WRN: variants seen among roughly 807,000 people sequenced by gnomAD.
The protein encoded by WRN is WRN RecQ like helicase.
WRN carries 149 observed loss-of-function variants against 180.7 expected under a neutral mutation model. The observed-to-expected ratio is 0.82, with a 90% confidence interval of 0.72 to 0.94. The LOEUF (loss-of-function observed/expected upper bound fraction) is 0.94. WRN is among the 40% of genes least tolerant of loss of function. WRN has a pLI of 0.00. For missense variants in WRN, 1,661 were observed against 1,700.1 expected, an observed-to-expected ratio of 0.98 and a Z score of 0.40; for synonymous variants, 548 against 568.9, an observed-to-expected ratio of 0.96 and a Z score of 0.52.
chr8:31,149,351 C>T (rs1276325921), intron 30 of WRN, among the ~76,000 whole-genome samples: 6 of 148,916 alleles, frequency 4.0e-5, no homozygotes, highest in African/African-American at 1.5e-4. Context: ...GAGCGGAGAT[C>T]GCGCCACTGC....
intron 7 of WRN, among the ~76,000 whole-genome samples, chr8:31,068,920 G>T (rs917575660): frequency 6.6e-6 from 1 of 152,220 alleles, no homozygotes; most frequent in East Asian, 1.9e-4. Flanking sequence ...GAGCCACGTA[G>T]TAGAGTGGGT....
intron 22 of WRN, 70 bp from the exon 23 acceptor site, chr8:31,124,838 T>C: frequency 1.4e-6 from 2 of 1,463,708 alleles, no homozygotes; most frequent in Non-Finnish European, 1.9e-6. Context: ...TTTACCTCAT[T>C]ATTTTCAGGA....
intron 27 of WRN, among the ~76,000 whole-genome samples, chr8:31,143,057 T>A (rs865784638): frequency 7.5e-4 from 8 of 10,702 alleles, no homozygotes; most frequent in African/African-American, 1.4e-3. Context: ...ACACACACAT[T>A]CTCTCTCTCT....
chr8:31,050,531 A>G (rs992673715), intron 1 of WRN, among the ~76,000 whole-genome samples: 2 of 145,542 alleles, frequency 1.4e-5, no homozygotes, highest in African/African-American at 5.1e-5. Flanking sequence ...TTTTTTTGAC[A>G]CAAAGCTGCA....
chr8:31,084,839 A>G (rs887355417), intron 10 of WRN, among the ~76,000 whole-genome samples: 1 of 152,208 alleles, frequency 6.6e-6, no homozygotes, highest in Non-Finnish European at 1.5e-5. Context: ...CTTATACTCA[A>G]AAAGTTTGGG....
At chr8:31,159,402 AACT>A (rs1314414953) in intron 33 of WRN, among the ~76,000 whole-genome samples, 1 of 151,960 alleles carries the variant, frequency 6.6e-6, no homozygotes, top group Non-Finnish European at 1.5e-5. Context: ...GTGGTTGAAA[AACT>A]ACGTGTTGGG....
intron 7 of WRN, 38 bp downstream of exon 7, chr8:31,068,365 T>TTG (rs1812788970): frequency 2.0e-6 from 3 of 1,514,198 alleles, no homozygotes; most frequent in Admixed American, 1.7e-5. Flanking sequence ...GAATTCACTC[T>TTG]TTTGTGAGGT....
rs563904832 is a variant in WRN at position 31,063,951 on chromosome 8, G to A, written c.210-338G>A. 3.9e-5 allele frequency among the ~76,000 whole-genome samples: 6 copies of A among 151,930 alleles called. No individual in the cohort carries two copies. In the South Asian group the frequency reaches 1.0e-3, roughly 26 times the overall value. ...TGCACAGGTTGGTCTTAAACTCCTA[G>A]TCTCAAGCAGTCCTCCTGCCTTGAC... is the stretch of plus-strand genomic sequence containing the variant. On this transcript the variant is annotated intron_variant, in intron 3 of 34. Transcript: ENST00000298139.
At chr8:31,095,291 A>G (rs184524250) in intron 16 of WRN, among the ~76,000 whole-genome samples, 1 of 152,262 alleles carries the variant, frequency 6.6e-6, no homozygotes, top group East Asian at 1.9e-4. Context: ...GAGTTTTGAT[A>G]GTCATTTCTA....
chr8:31,132,559 A>C, intron 24 of WRN, 53 bp downstream of exon 24: 1 of 1,611,488 alleles, frequency 6.2e-7, no homozygotes, highest in Non-Finnish European at 8.5e-7. Context: ...CTTCTATTAC[A>C]CTTTTCTTCA....
At chr8:31,119,410 T>G (rs1801635816) in intron 20 of WRN, among the ~76,000 whole-genome samples, 1 of 151,918 alleles carries the variant, frequency 6.6e-6, no homozygotes, top group Admixed American at 6.6e-5. Context: ...CTTAATTTTT[T>G]GTTTATTTGT....
intron 18 of WRN, among the ~76,000 whole-genome samples, chr8:31,110,582 CAT>C (rs1201717947): frequency 1.3e-5 from 2 of 151,986 alleles, no homozygotes; most frequent in Non-Finnish European, 2.9e-5. Context: ...AATTTTGAGT[CAT>C]ATTCTAGAAG....
At chr8:31,085,512 C>T (rs546617774) in intron 11 of WRN, among the ~76,000 whole-genome samples, 1 of 151,738 alleles carries the variant, frequency 6.6e-6, no homozygotes, top group African/African-American at 2.4e-5. Flanking sequence ...CTCTGTCACC[C>T]AGGCTGGGGT....
chr8:31,143,642 C>G lies in WRN; in HGVS notation c.3383+19C>G. 1.3e-6 allele frequency: 2 copies of G among 1,527,140 alleles called. No individual in the cohort carries two copies. The highest frequency in any genetic ancestry group is 2.3e-5 in the East Asian group (1 of 44,180). 94.6% of individuals were successfully genotyped at this position (1,527,140 alleles called of 1,614,324 possible). A position where few individuals can be genotyped will look rare whatever the true frequency, so the allele number is the denominator to read the frequency against. Reference sequence around the variant, plus strand: ...AAAAAAGGTACAGAGTTCCATATTTCTATGTTCTATACTTGCTTTATGAGT... The same window carrying G: ...AAAAAAGGTACAGAGTTCCATATTTGTATGTTCTATACTTGCTTTATGAGT... On this transcript the variant is annotated intron_variant, in intron 28 of 34. Transcript: ENST00000298139.
At chr8:31,099,925 T>C (rs1482183292) in intron 17 of WRN, among the ~76,000 whole-genome samples, 1 of 152,154 alleles carries the variant, frequency 6.6e-6, no homozygotes, top group Non-Finnish European at 1.5e-5. Context: ...TTAAGTAACT[T>C]GCTTAAGGTA....
At chr8:31,153,276 T>C (rs1803213728) in intron 31 of WRN, among the ~76,000 whole-genome samples, 1 of 152,180 alleles carries the variant, frequency 6.6e-6, no homozygotes, top group African/African-American at 2.4e-5. Flanking sequence ...CCAACTACCC[T>C]GTAACAAGAC....
intron 3 of WRN, among the ~76,000 whole-genome samples, chr8:31,059,508 T>A (rs991292616): frequency 2.0e-5 from 3 of 152,212 alleles, no homozygotes; most frequent in Admixed American, 6.5e-5. Context: ...TTAACTTTTT[T>A]AATATATGTG....
rs1203761077 is a variant in WRN, at chr8:31,149,482, T to G, written c.3573-859T>G. Among the ~76,000 whole-genome samples the G allele has an allele frequency of 4.9e-5, 4 of 81,298 alleles. 1 individual carries two copies. The highest frequency in any genetic ancestry group is 2.5e-4 in the Admixed American group (2 of 8,038). The allele number at this position is 81,298 out of a possible 152,430, so 53.3% of individuals were successfully genotyped here. A position where few individuals can be genotyped will look rare whatever the true frequency, so the allele number is the denominator to read the frequency against. On this transcript the variant is annotated intron_variant, in intron 30 of 34. Transcript: ENST00000298139. ...TTTTTTTTTTTTTTTTTTTTTTTTT[T>G]TTTTTTTTTGGTGATAGAGTCTCAC...
intron 20 of WRN, among the ~76,000 whole-genome samples, chr8:31,116,982 G>C (rs1296012575): frequency 6.6e-6 from 1 of 152,160 alleles, no homozygotes; most frequent in African/African-American, 2.4e-5. Context: ...GGGTAGGAAT[G>C]GCACAAAGTA....
Sources: gnomAD v4.1 joint callset for allele counts (sites outside exome capture counted in the v4.1 genomes callset) on GRCh38, gnomAD v4.1.1 for gene constraint, MANE v1.5 for transcripts, NCBI Gene and HGNC (gene_info 2026-07-23, HGNC 2026-07-21) for gene names.